SLC6A5: variants seen among roughly 807,000 people sequenced by gnomAD.
SLC6A5 encodes the protein sodium- and chloride-dependent glycine transporter 2.
SLC6A5 carries 58 observed loss-of-function variants against 90.5 expected under a neutral mutation model. The observed-to-expected ratio is 0.64, with a 90% CI of 0.52 to 0.80. The LOEUF (loss-of-function observed/expected upper bound fraction) is 0.80, where lower values mean the gene tolerates loss of function less well. Ranked by LOEUF, SLC6A5 falls within the 30% of genes least tolerant of loss-of-function variation. SLC6A5 has a pLI of 0.00. For synonymous variants in SLC6A5, 427 were observed against 401.4 expected (o/e 1.06, Z -0.76); for missense variants, 1,015 against 1,017.6 (o/e 1.00, Z 0.03).
At chr11:20,603,785 T>G (rs1852522519) in intron 2 of SLC6A5, among the ~76,000 whole-genome samples, 1 of 152,054 alleles carries the variant, frequency 6.6e-6, no homozygotes, top group Non-Finnish European at 1.5e-5. Flanking sequence ...GCACACACTC[T>G]AAAGGAAGAA....
In SLC6A5 at chr11:20,655,287, A is replaced by C; in HGVS notation, c.*419A>C. The C allele has an allele frequency of 7.6e-6, 2 of 264,818 alleles. No individual in the cohort carries two copies. The highest frequency in any genetic ancestry group is 8.6e-5 in the East Asian group (1 of 11,668). The allele number at this position is 264,818 out of a possible 1,614,324, so 16.4% of individuals were successfully genotyped here. A position where few individuals can be genotyped will look rare whatever the true frequency, so the allele number is the denominator to read the frequency against. On this transcript the variant is annotated 3_prime_UTR_variant, in exon 16 of 16. Coordinates refer to ENST00000525748, the MANE Select transcript of SLC6A5 (RefSeq NM_004211.5). ...ATTTGGACTTGAACAGAACTGAGCAATGTGGTGATCTTGTTCAGACACACA... is the reference window on the plus strand; with the variant it reads ...ATTTGGACTTGAACAGAACTGAGCACTGTGGTGATCTTGTTCAGACACACA...
Position 20,607,584 on chromosome 11 carries a change from TA to T in SLC6A5, c.918del (p.Trp308GlyfsTer21). 3.7e-6 allele frequency: 6 copies of T among 1,614,140 alleles called. No homozygotes were observed. Among genetic ancestry groups the T allele is most frequent in the Non-Finnish European group, 5.1e-6 (6 of 1,179,954 alleles). On this transcript the variant is annotated frameshift_variant, in exon 5 of 16. Coordinates refer to ENST00000525748, the MANE Select transcript of SLC6A5 (RefSeq NM_004211.5). LOFTEE classifies it high-confidence loss of function. Reference protein sequence around the residue: ...FYLFASFVSVLPWGSCNNPWN... With the variant: ...FYLFASFVSVXPWGSCNNPWN... ...CTGTTTGCCTCCTTTGTGTCTGTAC[TA>T]CCCTGGGGCTCCTGCAACAACCCTT...
At position 20,646,960 on chromosome 11, in the gene SLC6A5, G is replaced by T. The variant is rs752271701; in HGVS notation, c.2070+26G>T. On this transcript the variant is annotated intron_variant, in intron 14 of 15. Transcript: ENST00000525748. ...GTAAGGATTTTGCATGTTTTCTTGT[G>T]CAGACAGCACCTTGCATACGTATGT... is the stretch of plus-strand genomic sequence containing the variant. 3.3e-5 allele frequency: 47 copies of T among 1,430,618 alleles called. No homozygotes were observed. In the Admixed American group the frequency reaches 7.9e-4, roughly 24 times the overall value. The allele number at this position is 1,430,618 out of a possible 1,614,324, so 88.6% of individuals were successfully genotyped here.
At chr11:20,608,114 GTGA>G (rs1404236026) in intron 5 of SLC6A5, among the ~76,000 whole-genome samples, 1 of 152,224 alleles carries the variant, frequency 6.6e-6, no homozygotes, top group African/African-American at 2.4e-5. Flanking sequence ...AATTTGAAAA[GTGA>G]TGGTCTAATT....
At position 20,658,292 on chromosome 11, in the gene SLC6A5, G is replaced by A. The variant is rs1414361888; in HGVS notation, c.*3424G>A. 1 of 152,094 alleles carries A rather than the reference G, an allele frequency of 6.6e-6. No homozygotes were observed. Among genetic ancestry groups the A allele is most frequent in the Non-Finnish European group, 1.5e-5 (1 of 68,030 alleles). 9.4% of individuals were successfully genotyped at this position (152,094 alleles called of 1,614,324 possible). A position where few individuals can be genotyped will look rare whatever the true frequency, so the allele number is the denominator to read the frequency against. The stretch of plus-strand genomic sequence containing the variant: ...TGTAGGTCATTGTCCTCTTCCCAGA[G>A]GCTAGCACAATAACTGTTGCTCAAT... On this transcript the variant is annotated 3_prime_UTR_variant, in exon 16 of 16. Coordinates refer to ENST00000525748, the MANE Select transcript of SLC6A5 (RefSeq NM_004211.5).
chr11:20,623,590 C>G (rs1852934045), intron 7 of SLC6A5, among the ~76,000 whole-genome samples: 1 of 152,164 alleles, frequency 6.6e-6, no homozygotes, highest in Non-Finnish European at 1.5e-5. Flanking sequence ...TGTTACCCCT[C>G]TTCCTGAGTC....
chr11:20,630,620 T>C (rs142900427), intron 9 of SLC6A5, 71 bp from the exon 10 acceptor site: 2 of 1,568,298 alleles, frequency 1.3e-6, no homozygotes, highest in African/African-American at 2.7e-5. Flanking sequence ...CACACATTTG[T>C]GTGTCCTTCC....
At chr11:20,618,406 A>G (rs920332546) in intron 7 of SLC6A5, among the ~76,000 whole-genome samples, 4 of 151,948 alleles carry the variant, frequency 2.6e-5, no homozygotes, top group African/African-American at 4.8e-5. Flanking sequence ...ACACTCTTCT[A>G]CCCCATGTGC....
At position 20,617,869 on chromosome 11, in the gene SLC6A5, C is replaced by T. The variant is rs747972426; in HGVS notation, c.1245C>T (p.Ile415=). ...VIVYASLAKG[I]KTSGKVVYFT... ...TGTATGCATCATTGGCTAAAGGAATCAAGACTTCAGGAAAAGTAAGCACTT... is the reference window on the plus strand; with the variant it reads ...TGTATGCATCATTGGCTAAAGGAATTAAGACTTCAGGAAAAGTAAGCACTT... Residue 415 remains isoleucine, a synonymous_variant, in exon 7 of 16, where the codon ATC becomes ATT. Coordinates refer to ENST00000525748, the MANE Select transcript of SLC6A5 (RefSeq NM_004211.5). The T allele has an allele frequency of 1.2e-5, 20 of 1,613,634 alleles. No homozygotes were observed. In the East Asian group the frequency reaches 4.5e-4, roughly 36 times the overall value.
intron 5 of SLC6A5, among the ~76,000 whole-genome samples, 168 bp downstream of exon 5, chr11:20,607,820 G>T (rs775437820): frequency 6.6e-6 from 1 of 152,162 alleles, no homozygotes; most frequent in Admixed American, 6.5e-5. Flanking sequence ...AACTTAAGGA[G>T]CTCCTGGCCC....
rs779239043 is a variant in SLC6A5 at position 20,607,020 on chromosome 11, C to T, written c.693C>T (p.Ile231=). The T allele has an allele frequency of 2.5e-6, 4 of 1,614,016 alleles. No individual in the cohort carries two copies. Among genetic ancestry groups the T allele is most frequent in the African/African-American group, 1.3e-5 (1 of 74,904 alleles). The change falls in exon 4 of 16, where the codon ATC becomes ATT. Residue 231 remains isoleucine, a synonymous_variant. Transcript: ENST00000525748. Reference sequence around the variant, plus strand: ...TCTCTTTCCAAGGTGCTTTCCTCATCCCTTACCTGATGATGCTGGCTCTGG... The same window carrying T: ...TCTCTTTCCAAGGTGCTTTCCTCATTCCTTACCTGATGATGCTGGCTCTGG... ...AFQNGGGAFL[I]PYLMMLALAG...
chr11:20,605,124 A>C (rs1852553247), intron 3 of SLC6A5, among the ~76,000 whole-genome samples: 1 of 152,032 alleles, frequency 6.6e-6, no homozygotes, highest in African/African-American at 2.4e-5. Context: ...CCCACCGAGG[A>C]GGGACCTGGC....
At chr11:20,615,719 C>T (rs1044597756) in intron 6 of SLC6A5, among the ~76,000 whole-genome samples, 15 of 151,644 alleles carry the variant, frequency 9.9e-5, no homozygotes, top group African/African-American at 3.4e-4. Flanking sequence ...TCATAGGGTA[C>T]GTAAAGAGTG....
intron 14 of SLC6A5, among the ~76,000 whole-genome samples, chr11:20,651,159 T>C (rs1177764583): frequency 6.6e-6 from 1 of 151,982 alleles, no homozygotes; most frequent in Non-Finnish European, 1.5e-5. Context: ...TAGATTCAAT[T>C]TTTTAAAAGT....
chr11:20,610,471 A>G (rs934129871), intron 5 of SLC6A5, among the ~76,000 whole-genome samples: 3 of 152,212 alleles, frequency 2.0e-5, no homozygotes, highest in Admixed American at 6.5e-5. Flanking sequence ...GTGCTTCACA[A>G]TTGCAACTTG....
intron 13 of SLC6A5, among the ~76,000 whole-genome samples, chr11:20,640,689 G>A (rs1232362690): frequency 1.5e-5 from 1 of 67,048 alleles, no homozygotes. Context: ...TAACATGACT[G>A]TTTGAGGTAA....
Position 20,656,372 on chromosome 11 carries a change from T to C in SLC6A5, c.*1504T>C, listed in dbSNP as rs1853637125. The C allele has an allele frequency of 6.6e-6, 1 of 152,158 alleles. No homozygotes were observed. 9.4% of individuals were successfully genotyped at this position (152,158 alleles called of 1,614,324 possible). On this transcript the variant is annotated 3_prime_UTR_variant, in exon 16 of 16. Coordinates refer to ENST00000525748, the MANE Select transcript of SLC6A5 (RefSeq NM_004211.5). Reference sequence around the variant, plus strand: ...CTAAAATTGTTTCCTTTAGGGGAGATCATTTCAATCATTTTCTTCATTTAT... The same window carrying C: ...CTAAAATTGTTTCCTTTAGGGGAGACCATTTCAATCATTTTCTTCATTTAT...
At chr11:20,605,671 A>G (rs1852565046) in intron 3 of SLC6A5, among the ~76,000 whole-genome samples, 1 of 152,220 alleles carries the variant, frequency 6.6e-6, no homozygotes, top group Admixed American at 6.5e-5. Flanking sequence ...GGCCCGCGCA[A>G]GTGCCCGCGC....
rs1005265224 is a variant in SLC6A5 at position 20,646,760 on chromosome 11, T to C, written c.1970-74T>C. 3 of 1,007,794 alleles carry C rather than the reference T, an allele frequency of 3.0e-6. No individual in the cohort carries two copies. The East Asian group carries it at 7.2e-5, about 24-fold the overall frequency. 62.4% of individuals were successfully genotyped at this position (1,007,794 alleles called of 1,614,324 possible). Reference sequence around the variant, plus strand: ...CCAATGGTGCTTGAGTGAGGGGCTCTAGTGCCTGCCCTGCCACCACCTCAC... The same window carrying C: ...CCAATGGTGCTTGAGTGAGGGGCTCCAGTGCCTGCCCTGCCACCACCTCAC... On this transcript the variant is annotated intron_variant, in intron 13 of 15. Transcript: ENST00000525748.
Sources: gnomAD v4.1 joint callset for allele counts (sites outside exome capture counted in the v4.1 genomes callset) on GRCh38, gnomAD v4.1.1 for gene constraint, MANE v1.5 for transcripts, NCBI Gene and HGNC (gene_info 2026-07-23, HGNC 2026-07-21) for gene names.